The following RGS7 variants were observed in gnomAD, a reference collection of about 807,000 sequenced individuals.
RGS7 encodes regulator of G protein signaling 7, also known as regulator of G-protein signaling 7.
Under a neutral mutation model 81.1 loss-of-function variants are expected in RGS7, and 27 were observed. The observed-to-expected ratio is 0.33, with a 90% CI of 0.25 to 0.46. RGS7 has a LOEUF of 0.46. Ranked by LOEUF, RGS7 falls within the 20% of genes least tolerant of loss-of-function variation. The pLI, the probability that RGS7 is intolerant of heterozygous loss-of-function variation, is 1.00. For synonymous variants in RGS7, 208 were observed against 207.7 expected (o/e 1.00, Z -0.01); for missense variants, 396 against 607.4 (o/e 0.65, Z 3.66).
chr1:241,233,713 C>T (rs1252130252), intron 2 of RGS7, among the ~76,000 whole-genome samples: 3 of 151,944 alleles, frequency 2.0e-5, no homozygotes, highest in Non-Finnish European at 2.9e-5. Flanking sequence ...GTGAGGATAT[C>T]GCTTCAATAT....
At chr1:240,975,318 C>T (rs1683901851) in intron 4 of RGS7, among the ~76,000 whole-genome samples, 1 of 152,176 alleles carries the variant, frequency 6.6e-6, no homozygotes, top group Non-Finnish European at 1.5e-5. Flanking sequence ...AGGAGAATAG[C>T]TTGAACCTGG....
intron 9 of RGS7, among the ~76,000 whole-genome samples, chr1:240,830,090 T>C (rs1311594768): frequency 6.6e-6 from 1 of 152,152 alleles, no homozygotes; most frequent in Non-Finnish European, 1.5e-5. Flanking sequence ...CCCATTCCCA[T>C]AGAAGAAGCC....
At chr1:240,918,859 G>A (rs902732535) in intron 6 of RGS7, among the ~76,000 whole-genome samples, 17 of 150,908 alleles carry the variant, frequency 1.1e-4, no homozygotes, top group Non-Finnish European at 2.4e-4. Context: ...AAAAAAAGAA[G>A]ACACCAATTA....
At chr1:241,084,256 T>C (rs1401418634) in intron 3 of RGS7, among the ~76,000 whole-genome samples, 1 of 152,220 alleles carries the variant, frequency 6.6e-6, no homozygotes, top group Non-Finnish European at 1.5e-5. Flanking sequence ...AGGCAAGATA[T>C]ATTCAAATTG....
intron 2 of RGS7, among the ~76,000 whole-genome samples, chr1:241,248,538 A>C (rs962717439): frequency 2.0e-4 from 31 of 151,722 alleles, no homozygotes; most frequent in African/African-American, 7.5e-4. Flanking sequence ...AATATTTGGC[A>C]TCTCTGATCT....
intron 5 of RGS7, among the ~76,000 whole-genome samples, 161 bp from the exon 6 acceptor site, chr1:240,930,929 C>T (rs544214635): frequency 6.6e-6 from 1 of 152,296 alleles, no homozygotes; most frequent in South Asian, 2.1e-4. Flanking sequence ...AACTCTTTGT[C>T]TACATGTACT....
chr1:240,826,804 C>T (rs558314592), intron 10 of RGS7, among the ~76,000 whole-genome samples: 1 of 152,172 alleles, frequency 6.6e-6, no homozygotes, highest in South Asian at 2.1e-4. Context: ...TTAGATGTCC[C>T]CCTTTCCTCA....
At chr1:240,879,949 T>C (rs1666093249) in intron 6 of RGS7, among the ~76,000 whole-genome samples, 1 of 152,244 alleles carries the variant, frequency 6.6e-6, no homozygotes, top group Admixed American at 6.5e-5. Flanking sequence ...GCTGAAAATT[T>C]TGTCTTGGAA....
chr1:240,946,417 T>A (rs750634919), intron 4 of RGS7, among the ~76,000 whole-genome samples: 4 of 151,942 alleles, frequency 2.6e-5, no homozygotes, highest in Non-Finnish European at 5.9e-5. Context: ...AGCCTGGACA[T>A]CATAGTGAGA....
At chr1:240,785,300 G>A (rs1007859359) in intron 18 of RGS7, among the ~76,000 whole-genome samples, 1 of 152,166 alleles carries the variant, frequency 6.6e-6, no homozygotes, top group African/African-American at 2.4e-5. Flanking sequence ...GTTTGTGCAT[G>A]TACCTGTTCA....
At chr1:241,121,671 T>A (rs1280179496) in intron 2 of RGS7, among the ~76,000 whole-genome samples, 1 of 151,292 alleles carries the variant, frequency 6.6e-6, no homozygotes, top group Non-Finnish European at 1.5e-5. Flanking sequence ...AGAAAGAGTT[T>A]ATATATATGC....
At chr1:241,106,755 CACACACA>C (rs904110473) in intron 2 of RGS7, among the ~76,000 whole-genome samples, 4 of 123,422 alleles carry the variant, frequency 3.2e-5, no homozygotes, top group African/African-American at 6.4e-5. Context: ...ACCACCACCA[CACACACA>C]CACACACACA....
chr1:240,968,691 C>T (rs1338288986), intron 4 of RGS7, among the ~76,000 whole-genome samples: 2 of 152,072 alleles, frequency 1.3e-5, no homozygotes, highest in African/African-American at 4.8e-5. Context: ...TTTTACTGTA[C>T]AGCAGGAACC....
chr1:241,062,031 T>C (rs529399341), intron 3 of RGS7, among the ~76,000 whole-genome samples: 3 of 152,240 alleles, frequency 2.0e-5, no homozygotes, highest in African/African-American at 7.2e-5. Flanking sequence ...AGTGATCACC[T>C]ACACTTCTGT....
chr1:241,327,557 G>A (rs1276656535), intron 2 of RGS7, among the ~76,000 whole-genome samples: 1 of 152,116 alleles, frequency 6.6e-6, no homozygotes, highest in Admixed American at 6.5e-5. Flanking sequence ...GACAGAAGTA[G>A]CAGCATCAAG....
chr1:240,857,933 C>T lies in RGS7; in HGVS notation c.609+10654G>A, dbSNP rs1267621096. On this transcript the variant is annotated intron_variant, in intron 9 of 18. Coordinates refer to ENST00000440928, the MANE Select transcript of RGS7 (RefSeq NM_001364886.1). ...AAGGGGCTTCTCCCGCTTTGTTCTG[C>T]CCTTCTCCGTGCTACCACCATGTGA... Among the ~76,000 whole-genome samples the T allele has an allele frequency of 3.3e-5, 5 of 152,098 alleles. No homozygotes were observed. In the South Asian group the frequency reaches 1.0e-3, roughly 32 times the overall value.
At chr1:240,855,654 T>C (rs1174358592) in intron 9 of RGS7, among the ~76,000 whole-genome samples, 1 of 152,152 alleles carries the variant, frequency 6.6e-6, no homozygotes, top group Admixed American at 6.5e-5. Flanking sequence ...CCCCGGTAAG[T>C]TGAATAGCTA....
At position 240,998,752 on chromosome 1, in the gene RGS7, T is replaced by C. The variant is rs1166487930; in HGVS notation, c.176-15623A>G. Reference sequence around the variant, plus strand: ...ACGGTCACCTCATCATCGTGCGGAATGAGGGCCAGGTAGATGCAGGCGAGC... The same window carrying C: ...ACGGTCACCTCATCATCGTGCGGAACGAGGGCCAGGTAGATGCAGGCGAGC... On this transcript the variant is annotated intron_variant, in intron 3 of 18. Coordinates refer to ENST00000440928, the MANE Select transcript of RGS7 (RefSeq NM_001364886.1). 11 of 789,886 alleles carry C rather than the reference T, an allele frequency of 1.4e-5. No homozygotes were observed. The East Asian group carries it at 2.4e-4, about 17-fold the overall frequency. The allele number at this position is 789,886 out of a possible 1,614,324, so 48.9% of individuals were successfully genotyped here.
At chr1:240,816,496 A>G in intron 10 of RGS7, 81 bp from the exon 11 acceptor site, 1 of 931,144 alleles carries the variant, frequency 1.1e-6, no homozygotes, top group Non-Finnish European at 1.8e-6. Flanking sequence ...ACTCTAGCAT[A>G]AATTCAGTAA....
Sources: allele counts gnomAD v4.1 joint callset (sites outside exome capture counted in the v4.1 genomes callset), GRCh38; gene constraint gnomAD v4.1.1; transcripts MANE v1.5; gene names NCBI Gene and HGNC (gene_info 2026-07-23, HGNC 2026-07-21).